Variants in RPH3A observed in about 807,000 individuals in gnomAD.
RPH3A encodes rabphilin 3A, also known as rabphilin-3A.
In RPH3A, 48 loss-of-function variants were observed where a neutral mutation model predicts 102.2. That is an observed-to-expected ratio of 0.47 (90% CI 0.37 to 0.60). The LOEUF (loss-of-function observed/expected upper bound fraction) is 0.60, where lower values mean the gene tolerates loss of function less well. Among genes scored for constraint, RPH3A ranks in the 20% least tolerant of loss-of-function variants. The pLI is 0.00. For missense variants in RPH3A, 781 were observed against 910.1 expected, an observed-to-expected ratio of 0.86 and a Z score of 1.83; for synonymous variants, 310 against 324.3, an observed-to-expected ratio of 0.96 and a Z score of 0.47.
At chr12:112,703,475 C>T (rs1003550523) in intron 1 of RPH3A, among the ~76,000 whole-genome samples, 3 of 152,184 alleles carry the variant, frequency 2.0e-5, no homozygotes, top group African/African-American at 7.2e-5. Context: ...AAGCCATCCT[C>T]ATGAAGTTAA....
rs538082734 is a variant in RPH3A, at chr12:112,681,138, A to C, written c.-140+105819A>C. Among the ~76,000 whole-genome samples, 5 of 152,234 alleles carry C rather than the reference A, an allele frequency of 3.3e-5. No homozygotes were observed. In the East Asian group the frequency reaches 9.7e-4, roughly 29 times the overall value. ...AACCCTTCCTGCTCTGGGGCTCTGC[A>C]TCTTGGTAAACAACACCTCCACCTC... On this transcript the variant is annotated intron_variant, in intron 1 of 21. Transcript: ENST00000543106.
At position 112,831,103 on chromosome 12, in the gene RPH3A, A is replaced by ATT. The variant is rs34625027; in HGVS notation, c.71+2728_71+2729dup. 3.0e-3 allele frequency among the ~76,000 whole-genome samples: 436 copies of ATT among 144,428 alleles called. 3 individuals carry two copies. Among genetic ancestry groups the ATT allele is most frequent in the East Asian group, 5.8e-3 (29 of 4,972 alleles). 94.8% of individuals were successfully genotyped at this position (144,428 alleles called of 152,430 possible). A position where few individuals can be genotyped will look rare whatever the true frequency, so the allele number is the denominator to read the frequency against. On this transcript the variant is annotated intron_variant, in intron 3 of 21. Transcript: ENST00000389385. ...CAATATGCACATAAGTGGGCATGGC[A>ATT]TTTTTTTTTTTTTTTACATAAAAAC...
At chr12:112,616,925 A>T (rs1005141505) in intron 1 of RPH3A, among the ~76,000 whole-genome samples, 2 of 152,212 alleles carry the variant, frequency 1.3e-5, no homozygotes, top group African/African-American at 4.8e-5. Context: ...TATCGAGAGC[A>T]TCCCTTCCTC....
In RPH3A at chr12:112,887,852, A is replaced by C. The variant is rs778975939; in HGVS notation, c.1492A>C (p.Arg498=). ...FGHNEFIGET[R]FSLKKLKPNQ... ...CCACAATGAATTTATTGGTGAGACC[A>C]GATTCTCCCTCAAGAAACTGAAGCC... The change falls in exon 17 of 22, where the codon AGA becomes CGA. Residue 498 remains arginine (R), a synonymous_variant. Coordinates refer to ENST00000389385, the MANE Select transcript of RPH3A (RefSeq NM_001143854.2). 6.2e-7 allele frequency: 1 copy of C among 1,614,038 alleles called. No individual in the cohort carries two copies. Among genetic ancestry groups the C allele is most frequent in the South Asian group, 1.1e-5 (1 of 91,078 alleles).
intron 10 of RPH3A, 87 bp downstream of exon 10, chr12:112,870,126 T>C: frequency 7.4e-7 from 1 of 1,347,346 alleles, no homozygotes; most frequent in Non-Finnish European, 1.0e-6. Context: ...ATTCATTTAC[T>C]TAGGCAGCAT....
intron 1 of RPH3A, among the ~76,000 whole-genome samples, chr12:112,631,291 A>T (rs1323067804): frequency 5.9e-5 from 9 of 152,150 alleles, no homozygotes; most frequent in African/African-American, 1.9e-4. Flanking sequence ...AAATGGAGGC[A>T]GGGCTCGTCT....
At chr12:112,654,239 T>C (rs1239780780) in intron 1 of RPH3A, among the ~76,000 whole-genome samples, 1 of 152,224 alleles carries the variant, frequency 6.6e-6, no homozygotes, top group Non-Finnish European at 1.5e-5. Flanking sequence ...TAATACACCA[T>C]GAACATTCCC....
At chr12:112,639,439 G>C (rs983198197) in intron 1 of RPH3A, among the ~76,000 whole-genome samples, 1 of 152,128 alleles carries the variant, frequency 6.6e-6, no homozygotes, top group African/African-American at 2.4e-5. Context: ...AGTGGGAGCT[G>C]AACAATGAGA....
upstream of RPH3A, among the ~76,000 whole-genome samples, chr12:112,790,462 C>A (rs567477419): frequency 7.2e-5 from 11 of 152,164 alleles, no homozygotes; most frequent in Admixed American, 5.2e-4. Flanking sequence ...AGTAGTTAAC[C>A]CTGGGCCATC....
At position 112,607,216 on chromosome 12, in the gene RPH3A, A is replaced by G. The variant is rs2039603519; in HGVS notation, c.-140+31897A>G. Reference sequence around the variant, plus strand: ...TTCATTTGTAAAATGCATGGGTTCAATTGCATAATATCAGAGGTTCCTTCT... The same window carrying G: ...TTCATTTGTAAAATGCATGGGTTCAGTTGCATAATATCAGAGGTTCCTTCT... On this transcript the variant is annotated intron_variant, in intron 1 of 21. Coordinates refer to the RPH3A transcript ENST00000543106. Among the ~76,000 whole-genome samples the G allele has an allele frequency of 3.3e-5, 5 of 152,310 alleles. No individual in the cohort carries two copies. The South Asian group carries it at 6.2e-4, about 19-fold the overall frequency.
At chr12:112,805,555 G>A (rs969822424) in intron 2 of RPH3A, among the ~76,000 whole-genome samples, 2 of 152,192 alleles carry the variant, frequency 1.3e-5, no homozygotes, top group Admixed American at 6.5e-5. Context: ...GTCAGAAAGG[G>A]CCAGTTAGCT....
intron 4 of RPH3A, 69 bp downstream of exon 4, chr12:112,836,571 G>T (rs1050749882): frequency 1.4e-5 from 11 of 768,206 alleles, no homozygotes; most frequent in South Asian, 2.6e-5. Flanking sequence ...TCTGATCAAG[G>T]TGGCTTTCCC....
At chr12:112,800,950 C>T (rs751862313) in intron 2 of RPH3A, among the ~76,000 whole-genome samples, 34 of 152,058 alleles carry the variant, frequency 2.2e-4, no homozygotes, top group Non-Finnish European at 4.1e-4. Context: ...CCCCTCTCCC[C>T]GGAAGAAAAG....
At chr12:112,619,400 C>T (rs1290211896) in intron 1 of RPH3A, among the ~76,000 whole-genome samples, 1 of 151,992 alleles carries the variant, frequency 6.6e-6, no homozygotes, top group Admixed American at 6.6e-5. Flanking sequence ...ATTCTCGTGC[C>T]TCAGCCTCCT....
At chr12:112,784,596 C>T (rs1273434156) in intron 1 of RPH3A, among the ~76,000 whole-genome samples, 2 of 152,134 alleles carry the variant, frequency 1.3e-5, no homozygotes, top group Non-Finnish European at 2.9e-5. Context: ...TTTATTTATT[C>T]GACATTGACC....
At chr12:112,726,087 A>G (rs928293596) in intron 1 of RPH3A, among the ~76,000 whole-genome samples, 26 of 123,738 alleles carry the variant, frequency 2.1e-4, no homozygotes, top group African/African-American at 7.0e-4. Context: ...GAGCCACCGC[A>G]CCCAGCCTTT....
chr12:112,749,625 G>A (rs116628523), intron 1 of RPH3A, among the ~76,000 whole-genome samples: 2,401 of 152,272 alleles, frequency 0.016, 58 homozygotes, highest in African/African-American at 0.055. Context: ...TGCCAGTGCT[G>A]TATCCAACCA....
rs563325507 is a variant in RPH3A, at chr12:112,877,562, G to A, written c.1171+696G>A. Among the ~76,000 whole-genome samples the A allele has an allele frequency of 2.6e-4, 39 of 152,286 alleles. 1 individual carries two copies. The highest frequency in any genetic ancestry group is 8.2e-4 in the African/African-American group (34 of 41,534). Reference sequence around the variant, plus strand: ...GTCTGCATCCAATATGTGTTGGTGGGTGGGGACATTACCAGTTGTTTCTGA... The same window carrying A: ...GTCTGCATCCAATATGTGTTGGTGGATGGGGACATTACCAGTTGTTTCTGA... On this transcript the variant is annotated intron_variant, in intron 13 of 21. Coordinates refer to ENST00000389385, the MANE Select transcript of RPH3A (RefSeq NM_001143854.2).
In RPH3A at chr12:112,593,355, G is replaced by A. The variant is rs192657529; in HGVS notation, c.-140+18036G>A. On this transcript the variant is annotated intron_variant, in intron 1 of 21. Coordinates refer to the RPH3A transcript ENST00000543106. ...GCTGCCAGAGCTGATTAAAACACCC[G>A]GATTTCTGAGTTACTAGACCTGCAG... Among the ~76,000 whole-genome samples, 15 of 152,260 alleles carry A rather than the reference G, an allele frequency of 9.9e-5. No homozygotes were observed. In the East Asian group the frequency reaches 1.9e-3, roughly 20 times the overall value.
Sources: allele counts gnomAD v4.1 joint callset (sites outside exome capture counted in the v4.1 genomes callset), GRCh38; gene constraint gnomAD v4.1.1; transcripts MANE v1.5; gene names NCBI Gene and HGNC (gene_info 2026-07-23, HGNC 2026-07-21).